OR11A1: variants seen among roughly 807,000 people sequenced by gnomAD.
The protein encoded by OR11A1 is olfactory receptor 11A1.
For synonymous variants in OR11A1, 158 were observed against 152.2 expected, an observed-to-expected ratio of 1.04 and a Z score of -0.28; for missense variants, 380 against 378.2, an observed-to-expected ratio of 1.00 and a Z score of -0.04.
At chr6:29,452,270 C>G (rs529275712) in intron 1 of OR11A1, among the ~76,000 whole-genome samples, 1 of 152,208 alleles carries the variant, frequency 6.6e-6, no homozygotes, top group East Asian at 1.9e-4. Context: ...TACACCAAAC[C>G]CCAATGACAC....
chr6:29,454,574 T>A (rs565251396), intron 1 of OR11A1, among the ~76,000 whole-genome samples: 94 of 152,264 alleles, frequency 6.2e-4, no homozygotes, highest in African/African-American at 1.9e-3. Context: ...ATAAAAAAAA[T>A]TTACTATACA....
chr6:29,456,435 G>A (rs1422312321), intron 1 of OR11A1, among the ~76,000 whole-genome samples: 4 of 151,468 alleles, frequency 2.6e-5, no homozygotes, highest in African/African-American at 7.3e-5. Context: ...GCGTGAACCC[G>A]GAAGGCAGAG....
At chr6:29,444,887 T>C (rs1429862982) in intron 1 of OR11A1, among the ~76,000 whole-genome samples, 2 of 152,166 alleles carry the variant, frequency 1.3e-5, no homozygotes, top group East Asian at 3.8e-4. Context: ...GTCCCTAATA[T>C]TTCCTCCTAC....
chr6:29,446,040 T>A (rs1784737932), intron 1 of OR11A1, among the ~76,000 whole-genome samples: 1 of 152,138 alleles, frequency 6.6e-6, no homozygotes, highest in African/African-American at 2.4e-5. Flanking sequence ...CTCTGAGAGT[T>A]GAGAAAAACA....
chr6:29,452,784 G>A (rs954268390), intron 1 of OR11A1, among the ~76,000 whole-genome samples: 4 of 152,100 alleles, frequency 2.6e-5, no homozygotes, highest in Admixed American at 2.6e-4. Context: ...AGTTTTTCAG[G>A]CTATAGAGAA....
rs370071306 is a variant in OR11A1, at chr6:29,447,179, TC to T, written c.-389+9807del. Among the ~76,000 whole-genome samples, 209 of 152,278 alleles carry T rather than the reference TC, an allele frequency of 1.4e-3. 5 individuals are homozygous for T. In the East Asian group the frequency reaches 0.021, roughly 15 times the overall value. The stretch of plus-strand genomic sequence containing the variant: ...CTAGTTCTTGGTATCTAGACCTAAT[TC>T]CCCATTTGCATAAAAGAATACAAAT... On this transcript the variant is annotated intron_variant, in intron 1 of 4. Transcript: ENST00000377149.
intron 1 of OR11A1, among the ~76,000 whole-genome samples, chr6:29,454,408 G>A (rs1455013300): frequency 1.3e-5 from 2 of 152,092 alleles, no homozygotes; most frequent in African/African-American, 4.8e-5. Context: ...TTAAGAACAT[G>A]AAATTAAACA....
At chr6:29,439,950 C>A in intron 1 of OR11A1, 1 of 1,277,406 alleles carries the variant, frequency 7.8e-7, no homozygotes, top group African/African-American at 1.5e-5. Flanking sequence ...GCCCATTTCA[C>A]GATTCCATAG....
At position 29,452,973 on chromosome 6, in the gene OR11A1, G is replaced by A. The variant is rs1043327845; in HGVS notation, c.-389+4014C>T. Among the ~76,000 whole-genome samples the A allele has an allele frequency of 2.0e-5, 3 of 151,648 alleles. No individual in the cohort carries two copies. The East Asian group carries it at 5.8e-4, about 29-fold the overall frequency. ...TGTAAAGTAAAACACGGCAATAGCT[G>A]CACAAAGAATGGGAGGAATTATAAC... is the stretch of plus-strand genomic sequence containing the variant. On this transcript the variant is annotated intron_variant, in intron 1 of 4. Coordinates refer to ENST00000377149, the MANE Select transcript of OR11A1 (RefSeq NM_001394828.1).
chr6:29,431,796 C>G, intron 2 of OR11A1, 68 bp downstream of exon 2: 2 of 894,192 alleles, frequency 2.2e-6, no homozygotes, highest in Non-Finnish European at 2.7e-6. Flanking sequence ...GCTATAAAAA[C>G]CAGCCATTTA....
At position 29,426,766 on chromosome 6, in the gene OR11A1, GGTATA is replaced by G; in HGVS notation, c.871_875del (p.Tyr291HisfsTer20). ...CCTGATGCACCTCCTTGTTCCTCATGGTATAGATCACAGGATTGAAGAGAGGGGTG... is the reference window on the plus strand; with the variant it reads ...CCTGATGCACCTCCTTGTTCCTCATGGATCACAGGATTGAAGAGAGGGGTG... On this transcript the variant is annotated frameshift_variant, in exon 5 of 5. Coordinates refer to ENST00000377149, the MANE Select transcript of OR11A1 (RefSeq NM_001394828.1). LOFTEE classifies it low-confidence loss of function (END_TRUNC). 1 of 1,613,046 alleles carries G rather than the reference GGTATA, an allele frequency of 6.2e-7. No individual in the cohort carries two copies. The highest frequency in any genetic ancestry group is 8.5e-7 in the Non-Finnish European group (1 of 1,180,018).
chr6:29,428,591 T>C (rs1783024152), intron 4 of OR11A1: 1 of 164,812 alleles, frequency 6.1e-6, no homozygotes, highest in Non-Finnish European at 1.2e-5. Context: ...CCGTCTCTAC[T>C]AAAAATACAA....
chr6:29,440,729 C>A, intron 1 of OR11A1: 1 of 1,613,988 alleles, frequency 6.2e-7, no homozygotes, highest in Non-Finnish European at 8.5e-7. Context: ...AGGCCTTCTC[C>A]ACCTGCTCCT....
At chr6:29,455,276 T>A (rs1222642077) in intron 1 of OR11A1, among the ~76,000 whole-genome samples, 2 of 152,142 alleles carry the variant, frequency 1.3e-5, no homozygotes, top group African/African-American at 4.8e-5. Context: ...AAAGGACTTT[T>A]ATGCAGAATA....
chr6:29,436,626 C>T (rs1404165806), intron 1 of OR11A1, among the ~76,000 whole-genome samples: 1 of 152,156 alleles, frequency 6.6e-6, no homozygotes, highest in Non-Finnish European at 1.5e-5. Flanking sequence ...ATATTTGCTC[C>T]TACAGGGTTC....
At chr6:29,452,323 A>G (rs1027468632) in intron 1 of OR11A1, among the ~76,000 whole-genome samples, 1 of 152,134 alleles carries the variant, frequency 6.6e-6, no homozygotes, top group African/African-American at 2.4e-5. Context: ...GCCCCTTGAA[A>G]CTAAAATAAA....
At position 29,427,534 on chromosome 6, in the gene OR11A1, G is replaced by A. The variant is rs888065585; in HGVS notation, c.108C>T (p.Val36=). Residue 36 remains valine, a synonymous_variant, in exon 5 of 5, where the codon GTC becomes GTT. Transcript: ENST00000377149. The part of the protein sequence containing the change: ...HFLFFIVFTA[V]YVFIIIGNML... ...TATTCCCTATGATGATGAAGACATA[G>A]ACAGCAGTGAATACAATAAAAAACA... The A allele has an allele frequency of 6.2e-7, 1 of 1,612,884 alleles. No individual in the cohort carries two copies. Among genetic ancestry groups the A allele is most frequent in the African/African-American group, 1.3e-5 (1 of 74,894 alleles).
chr6:29,444,772 C>T (rs1412595329), intron 1 of OR11A1, among the ~76,000 whole-genome samples: 1 of 152,138 alleles, frequency 6.6e-6, no homozygotes, highest in Non-Finnish European at 1.5e-5. Flanking sequence ...CATATTGAGT[C>T]TTCCCCCACT....
At chr6:29,427,880 C>G (rs573871585) in intron 4 of OR11A1, 148 bp from the exon 5 acceptor site, 6 of 667,986 alleles carry the variant, frequency 9.0e-6, no homozygotes, top group Non-Finnish European at 1.4e-5. Flanking sequence ...TATTCTTTAA[C>G]GCTCAGAAGA....
Sources: allele counts gnomAD v4.1 joint callset (sites outside exome capture counted in the v4.1 genomes callset), GRCh38; gene constraint gnomAD v4.1.1; transcripts MANE v1.5; gene names NCBI Gene and HGNC (gene_info 2026-07-23, HGNC 2026-07-21).